The following CTNNA3 variants were observed in gnomAD, a reference collection of about 807,000 sequenced individuals.
CTNNA3 encodes catenin alpha 3, also known as catenin alpha-3.
CTNNA3 carries 76 observed loss-of-function variants against 95.7 expected under a neutral mutation model. That is an observed-to-expected ratio of 0.79 (90% CI 0.66 to 0.96). The LOEUF (loss-of-function observed/expected upper bound fraction) is 0.96, where lower values mean the gene tolerates loss of function less well. CTNNA3 is among the 40% of genes least tolerant of loss of function. The probability of loss-of-function intolerance (pLI) is 0.00; values close to 1 mark genes in which losing one functional copy is unlikely to be tolerated. For synonymous variants in CTNNA3, 431 were observed against 374.4 expected (o/e 1.15, Z -1.74); for missense variants, 1,191 against 1,089.8 (o/e 1.09, Z -1.31).
chr10:67,217,099 G>C (rs1864405624), intron 6 of CTNNA3, among the ~76,000 whole-genome samples: 1 of 152,222 alleles, frequency 6.6e-6, no homozygotes, highest in Non-Finnish European at 1.5e-5. Flanking sequence ...TGTTGAGTAA[G>C]CACTCTGATA....
At chr10:66,350,566 C>T (rs1028186621) in intron 12 of CTNNA3, among the ~76,000 whole-genome samples, 1 of 150,882 alleles carries the variant, frequency 6.6e-6, no homozygotes, top group Non-Finnish European at 1.5e-5. Flanking sequence ...GAAGAAATTC[C>T]CACATCTTAT....
intron 1 of CTNNA3, among the ~76,000 whole-genome samples, chr10:67,735,263 T>A (rs2133635688): frequency 6.6e-6 from 1 of 151,684 alleles, no homozygotes; most frequent in Middle Eastern, 3.4e-3. Context: ...TGGGAAAGAG[T>A]ATATGTGCAA....
At chr10:66,113,062 G>C (rs2082178802) in intron 13 of CTNNA3, among the ~76,000 whole-genome samples, 1 of 152,092 alleles carries the variant, frequency 6.6e-6, no homozygotes, top group Non-Finnish European at 1.5e-5. Context: ...TTTTAAAGCA[G>C]TTGTACCATT....
chr10:67,229,034 G>A (rs942666929), intron 5 of CTNNA3, among the ~76,000 whole-genome samples: 12 of 152,088 alleles, frequency 7.9e-5, no homozygotes, highest in African/African-American at 2.2e-4. Context: ...ATTATGGACC[G>A]AGATCCCTGA....
chr10:65,924,896 G>A (rs1589134177), intron 17 of CTNNA3, among the ~76,000 whole-genome samples: 1 of 152,136 alleles, frequency 6.6e-6, no homozygotes, highest in East Asian at 1.9e-4. Context: ...GTGTGCAGAG[G>A]AACTGCCCTG....
chr10:67,444,258 A>G (rs961137551), intron 5 of CTNNA3, among the ~76,000 whole-genome samples: 1 of 152,198 alleles, frequency 6.6e-6, no homozygotes, highest in Non-Finnish European at 1.5e-5. Flanking sequence ...GAAACTATAC[A>G]AACATATGAA....
intron 7 of CTNNA3, among the ~76,000 whole-genome samples, chr10:66,977,243 A>C (rs1429890760): frequency 6.6e-6 from 1 of 151,854 alleles, no homozygotes; most frequent in African/African-American, 2.4e-5. Context: ...TTGAGACCAT[A>C]CTGGCCAACA....
At chr10:66,014,964 A>C (rs796483383) in intron 15 of CTNNA3, among the ~76,000 whole-genome samples, 7 of 152,108 alleles carry the variant, frequency 4.6e-5, no homozygotes, top group African/African-American at 1.7e-4. Context: ...TTAGCTGGGC[A>C]TGGTGGCGCA....
At chr10:67,480,138 A>G (rs12412971) in intron 5 of CTNNA3, among the ~76,000 whole-genome samples, 1 of 152,036 alleles carries the variant, frequency 6.6e-6, no homozygotes, top group African/African-American at 2.4e-5. Context: ...AAGAATTTAC[A>G]GTCAAAATTC....
chr10:66,083,979 T>C (rs1350177609), intron 14 of CTNNA3, among the ~76,000 whole-genome samples: 1 of 151,398 alleles, frequency 6.6e-6, no homozygotes, highest in Non-Finnish European at 1.5e-5. Context: ...CTACTAAAAA[T>C]ACAAAATTAG....
intron 17 of CTNNA3, among the ~76,000 whole-genome samples, chr10:65,936,324 A>G (rs2077337128): frequency 6.6e-6 from 1 of 152,122 alleles, no homozygotes; most frequent in South Asian, 2.1e-4. Context: ...ATTGTTTTGA[A>G]TATATAAACA....
chr10:66,005,336 C>T (rs1338952189), intron 15 of CTNNA3, among the ~76,000 whole-genome samples: 1 of 152,138 alleles, frequency 6.6e-6, no homozygotes, highest in African/African-American at 2.4e-5. Context: ...TATGATGAAG[C>T]TATTGATTTT....
chr10:66,442,608 A>T (rs753298214), intron 11 of CTNNA3, among the ~76,000 whole-genome samples: 1 of 152,206 alleles, frequency 6.6e-6, no homozygotes, highest in Admixed American at 6.5e-5. Context: ...GAATAGAAAA[A>T]AAATAGCTTT....
chr10:66,658,914 A>G lies in CTNNA3; in HGVS notation c.1282-37130T>C, dbSNP rs186335555. ...TTGTCATGTTGACCAGGCTGGTCTC[A>G]AACTCCTCAAGGGATCCCCCCGCTT... On this transcript the variant is annotated intron_variant, in intron 9 of 17. Transcript: ENST00000433211. 8.5e-4 allele frequency among the ~76,000 whole-genome samples: 129 copies of G among 152,140 alleles called. 2 individuals are homozygous for G. Among genetic ancestry groups the G allele is most frequent in the East Asian group, 3.7e-3 (19 of 5,162 alleles).
intron 13 of CTNNA3, among the ~76,000 whole-genome samples, chr10:66,262,078 T>G (rs1266778724): frequency 6.6e-6 from 1 of 152,024 alleles, no homozygotes; most frequent in Non-Finnish European, 1.5e-5. Context: ...CCTATTATGG[T>G]TACTTGATTG....
intron 7 of CTNNA3, among the ~76,000 whole-genome samples, chr10:66,866,602 A>G (rs1165081057): frequency 1.3e-5 from 2 of 152,334 alleles, no homozygotes; most frequent in Non-Finnish European, 2.9e-5. Context: ...TCTACAAAAT[A>G]TAAAATGTGT....
intron 7 of CTNNA3, among the ~76,000 whole-genome samples, chr10:66,978,138 G>A (rs1850170820): frequency 6.6e-6 from 1 of 151,836 alleles, no homozygotes; most frequent in Non-Finnish European, 1.5e-5. Context: ...TTAAGAGAAT[G>A]GGGAGTTGCT....
chr10:66,871,435 G>C (rs777336611), intron 7 of CTNNA3, among the ~76,000 whole-genome samples: 2 of 151,820 alleles, frequency 1.3e-5, no homozygotes, highest in African/African-American at 4.8e-5. Flanking sequence ...GGTGGTGGGT[G>C]CCTGTAATCC....
intron 3 of CTNNA3, among the ~76,000 whole-genome samples, chr10:67,605,477 T>C (rs187344076): frequency 1.3e-5 from 2 of 152,318 alleles, no homozygotes; most frequent in East Asian, 3.9e-4. Context: ...TTAATAATGC[T>C]GTATTCAGGA....
Sources: gnomAD v4.1 joint callset for allele counts (sites outside exome capture counted in the v4.1 genomes callset) on GRCh38, gnomAD v4.1.1 for gene constraint, MANE v1.5 for transcripts, NCBI Gene and HGNC (gene_info 2026-07-23, HGNC 2026-07-21) for gene names.